Variants in TOP1MT observed in about 807,000 individuals in gnomAD.
TOP1MT encodes the protein DNA topoisomerase I mitochondrial, also known as DNA topoisomerase I, mitochondrial.
In TOP1MT, 80 loss-of-function variants were observed where a neutral mutation model predicts 73.9. That is an observed-to-expected ratio of 1.08 (90% CI 0.90 to 1.30). TOP1MT has a LOEUF of 1.30. Ranked by LOEUF, TOP1MT falls within the 50% of genes most tolerant of loss-of-function variation. The probability of loss-of-function intolerance (pLI) is 0.00; values close to 1 mark genes in which losing one functional copy is unlikely to be tolerated. For missense variants in TOP1MT, 815 were observed against 808.0 expected (o/e 1.01, Z -0.10); for synonymous variants, 338 against 326.4 (o/e 1.04, Z -0.38).
At chr8:143,353,073 A>G (rs557788362) in intron 1 of TOP1MT, among the ~76,000 whole-genome samples, 14 of 152,370 alleles carry the variant, frequency 9.2e-5, no homozygotes, top group Middle Eastern at 6.8e-3. Flanking sequence ...TCTGGAATAT[A>G]CAAAACACTC....
intron 1 of TOP1MT, chr8:143,331,635 G>A (rs1414243039): frequency 5.2e-5 from 16 of 305,198 alleles, no homozygotes; most frequent in African/African-American, 6.3e-5. Context: ...GAAAGGCAAC[G>A]TGCCTCTCCC....
chr8:143,312,547 G>A (rs939289824), intron 12 of TOP1MT, among the ~76,000 whole-genome samples: 1 of 151,868 alleles, frequency 6.6e-6, no homozygotes, highest in Non-Finnish European at 1.5e-5. Flanking sequence ...AACAAACTAG[G>A]AATAGAAGTA....
chr8:143,309,908 G>T (rs949920428), intron 13 of TOP1MT, 160 bp downstream of exon 13: 2 of 1,582,332 alleles, frequency 1.3e-6, no homozygotes, highest in Non-Finnish European at 1.7e-6. Flanking sequence ...GAGAGCTGAT[G>T]ACACAGGACT....
At chr8:143,312,586 G>A (rs1816042124) in intron 12 of TOP1MT, among the ~76,000 whole-genome samples, 1 of 152,130 alleles carries the variant, frequency 6.6e-6, no homozygotes, top group Non-Finnish European at 1.5e-5. Flanking sequence ...AACAGCTTCT[G>A]TGAAAAACCT....
intron 4 of TOP1MT, 115 bp downstream of exon 4, chr8:143,326,107 A>T: frequency 2.4e-6 from 3 of 1,225,262 alleles, no homozygotes; most frequent in Non-Finnish European, 3.4e-6. Context: ...AGAAAAGAGC[A>T]GCTTTGTGAG....
chr8:143,315,703 G>A, intron 12 of TOP1MT, 24 bp downstream of exon 12: 1 of 1,602,196 alleles, frequency 6.2e-7, no homozygotes, highest in South Asian at 1.1e-5. Flanking sequence ...CCGGGAGAAG[G>A]CGTCTGAGGG....
At chr8:143,351,511 C>T (rs1260156456) in intron 1 of TOP1MT, among the ~76,000 whole-genome samples, 3 of 150,312 alleles carry the variant, frequency 2.0e-5, no homozygotes, top group East Asian at 3.9e-4. Flanking sequence ...GCCTGGAAGG[C>T]GGAGCTTGTG....
At position 143,341,546 on chromosome 8, in the gene TOP1MT, A is replaced by C. The variant is rs2130403531; in HGVS notation, c.29+1674T>G. ...GAAGGTTCACCTTCCCCACCCCAGC[A>C]ATGGCTGCCCTCCATGGGCCTAACA... On this transcript the variant is annotated intron_variant, in intron 2 of 5. Transcript: ENST00000518007. This position sits in a 1 kb window ranked among gnomAD's most constrained non-coding sequence, Gnocchi z 4.1. Among the ~76,000 whole-genome samples the C allele has an allele frequency of 6.6e-6, 1 of 152,340 alleles. No homozygotes were observed. Among genetic ancestry groups the C allele is most frequent in the Non-Finnish European group, 1.5e-5 (1 of 68,026 alleles).
intron 7 of TOP1MT, 60 bp downstream of exon 7, chr8:143,323,939 G>C (rs758498238): frequency 3.1e-5 from 49 of 1,596,454 alleles, no homozygotes; most frequent in Non-Finnish European, 4.1e-5. Flanking sequence ...CCATCCAACT[G>C]GGAGTCCTCG....
intron 1 of TOP1MT, 87 bp downstream of exon 1, chr8:143,334,653 G>A (rs530296920): frequency 1.9e-6 from 3 of 1,548,326 alleles, no homozygotes; most frequent in Non-Finnish European, 2.6e-6. Context: ...GGGCAAGGCC[G>A]TCCCACGAGG....
At chr8:143,327,679 G>A in intron 3 of TOP1MT, 1 of 376,584 alleles carries the variant, frequency 2.7e-6, no homozygotes. Context: ...ACTGGAAGAA[G>A]TGCTGACCAG....
intron 7 of TOP1MT, among the ~76,000 whole-genome samples, chr8:143,323,396 GGCACGCCACACAC>G (rs1419272152): frequency 3.3e-4 from 22 of 67,008 alleles, no homozygotes; most frequent in African/African-American, 1.1e-3. Context: ...CACACACACA[GGCACGCCACACAC>G]GCACGCCACA....
chr8:143,324,018 G>A lies in TOP1MT; in HGVS notation c.941C>T (p.Ala314Val), dbSNP rs1235176125. The stretch of plus-strand genomic sequence containing the variant: ...GCATACCTTATCGATGAAATACAGG[G>A]CCACCGCCCGCTGTCTCGTCTTCAT... Reference protein sequence around the residue: ...REMKTRQRAVALYFIDKLALR... With the variant: ...REMKTRQRAVVLYFIDKLALR... Residue 314 changes from alanine to valine, a missense_variant, in exon 7 of 14, where the codon GCC becomes GTC. Ala to Val is a moderately conservative substitution (Grantham distance 64, BLOSUM62 0). Around this residue, in one of 3 missense-constraint regions of TOP1MT, gnomAD observed 751 missense variants for 725.4 expected, o/e 1.04. Coordinates refer to ENST00000329245, the MANE Select transcript of TOP1MT (RefSeq NM_052963.3). 1 of 1,613,734 alleles carries A rather than the reference G, an allele frequency of 6.2e-7. No homozygotes were observed. Among genetic ancestry groups the A allele is most frequent in the Non-Finnish European group, 8.5e-7 (1 of 1,180,024 alleles).
chr8:143,347,498 G>A (rs568740592), upstream of TOP1MT, among the ~76,000 whole-genome samples: 252 of 152,174 alleles, frequency 1.7e-3, 2 homozygotes, highest in Non-Finnish European at 6.5e-4. Flanking sequence ...ACTATATGTT[G>A]GCCAGGCTGG....
At chr8:143,311,745 G>A (rs1476276925) in intron 12 of TOP1MT, among the ~76,000 whole-genome samples, 1 of 47,480 alleles carries the variant, frequency 2.1e-5, no homozygotes, top group East Asian at 5.5e-4. Flanking sequence ...GAGACTCTGT[G>A]TCAAAAAAAA....
At chr8:143,358,949 T>C (rs1193511749), upstream of TOP1MT, among the ~76,000 whole-genome samples, 5 of 152,316 alleles carry the variant, frequency 3.3e-5, no homozygotes, top group East Asian at 5.8e-4. Flanking sequence ...GGGTGTGATA[T>C]GCCATCATGT....
intron 8 of TOP1MT, among the ~76,000 whole-genome samples, chr8:143,320,591 G>C (rs986898973): frequency 6.6e-6 from 1 of 152,234 alleles, no homozygotes; most frequent in Non-Finnish European, 1.5e-5. Context: ...TTTAAAAACA[G>C]GGTCTTTAGA....
chr8:143,350,120 A>C (rs1249194082), intron 1 of TOP1MT: 2 of 152,228 alleles, frequency 1.3e-5, no homozygotes, highest in Non-Finnish European at 2.9e-5. Flanking sequence ...ACCCACAAAC[A>C]TCTCCAATTA....
At position 143,324,602 on chromosome 8, in the gene TOP1MT, C is replaced by G. The variant is rs757175955; in HGVS notation, c.699G>C (p.Ala233=). 5 of 1,613,410 alleles carry G rather than the reference C, an allele frequency of 3.1e-6. No individual in the cohort carries two copies. The Admixed American group carries it at 8.3e-5, about 27-fold the overall frequency. The change falls in exon 6 of 14, where the codon GCG becomes GCC. Residue 233 remains alanine (A), a synonymous_variant. Transcript: ENST00000329245. ...AGCGCACCTCCTTCCACTGGTGCCC[C>G]GCCGGCGGCTCGGGGATCTTCGAGT... ...SRDSKIPEPP[A]GHQWKEVRSD...
Sources: allele counts gnomAD v4.1 joint callset (sites outside exome capture counted in the v4.1 genomes callset), GRCh38; gene constraint gnomAD v4.1.1; regional missense constraint gnomAD v4.1.1; non-coding constraint Gnocchi (gnomAD v3.1); transcripts MANE v1.5; gene names NCBI Gene and HGNC (gene_info 2026-07-23, HGNC 2026-07-21).